RARG: variants seen among roughly 807,000 people sequenced by gnomAD.
RARG encodes the protein retinoic acid receptor gamma.
RARG carries 17 observed loss-of-function variants against 43.7 expected under a neutral mutation model. That is an observed-to-expected ratio of 0.39 (90% CI 0.27 to 0.58). The LOEUF (loss-of-function observed/expected upper bound fraction) is 0.58, where lower values mean the gene tolerates loss of function less well. RARG is among the 20% of genes least tolerant of loss of function. RARG has a pLI of 0.57. For missense variants in RARG, 346 were observed against 598.7 expected (o/e 0.58, Z 4.40); for synonymous variants, 238 against 236.4 (o/e 1.01, Z -0.06).
chr12:53,215,902 A>T lies in RARG; in HGVS notation c.185-108T>A. The T allele has an allele frequency of 8.2e-7, 1 of 1,213,932 alleles. No individual in the cohort carries two copies. The highest frequency in any genetic ancestry group is 2.8e-4 in the Middle Eastern group (1 of 3,532). The allele number at this position is 1,213,932 out of a possible 1,614,324, so 75.2% of individuals were successfully genotyped here. A position where few individuals can be genotyped will look rare whatever the true frequency, so the allele number is the denominator to read the frequency against. Reference sequence around the variant, plus strand: ...GCATTTGTTCCTTGGCCCACTGGTGACAGCCATCACTACCACAGTGCACTA... The same window carrying T: ...GCATTTGTTCCTTGGCCCACTGGTGTCAGCCATCACTACCACAGTGCACTA... On this transcript the variant is annotated intron_variant, in intron 3 of 9. Transcript: ENST00000425354. The surrounding 1 kb of genome is among the most constrained non-coding windows in gnomAD (Gnocchi z 6.4).
In RARG at chr12:53,214,558, C is replaced by T. The variant is rs755157558; in HGVS notation, c.524G>A (p.Gly175Glu). ...NKKKKEVKEE[G>E]SPDSYELSPQ... ...GCTCAGCTCATAGCTGTCAGGTGAC[C>T]CTTCTTCCTTCACCTCTTTCTTCTT... Residue 175 changes from glycine (G) to glutamate (E), a missense_variant, in exon 6 of 10, where the codon GGG (glycine) becomes GAG (glutamate). Physicochemically the swap from Gly to Glu is moderately conservative, Grantham distance 98. Transcript: ENST00000425354. 1 of 1,611,474 alleles carries T rather than the reference C, an allele frequency of 6.2e-7. No homozygotes were observed. The highest frequency in any genetic ancestry group is 2.2e-5 in the East Asian group (1 of 44,766).
Position 53,213,072 on chromosome 12 carries a change from A to G in RARG, c.1177+13T>C, listed in dbSNP as rs1182257128. 5 of 1,605,406 alleles carry G rather than the reference A, an allele frequency of 3.1e-6. No homozygotes were observed. The South Asian group carries it at 5.6e-5, about 18-fold the overall frequency. On this transcript the variant is annotated intron_variant, in intron 9 of 9. Coordinates refer to ENST00000425354, the MANE Select transcript of RARG (RefSeq NM_000966.6). The surrounding 1 kb of genome is among the most constrained non-coding windows in gnomAD (Gnocchi z 4.7). ...CTGGGAAGACAGAGAGGGGACACCCACTCATGACTCACCCTTAGTGCTGAT... is the reference window on the plus strand; with the variant it reads ...CTGGGAAGACAGAGAGGGGACACCCGCTCATGACTCACCCTTAGTGCTGAT...
chr12:53,220,502 C>T (rs1942927093), intron 3 of RARG: 5 of 442,832 alleles, frequency 1.1e-5, no homozygotes, highest in Non-Finnish European at 1.9e-5. Flanking sequence ...GCGGCGCGCG[C>T]GCTTGCTTAG....
At chr12:53,220,617 C>G (rs1942930686) in intron 3 of RARG, among the ~76,000 whole-genome samples, 1 of 152,212 alleles carries the variant, frequency 6.6e-6, no homozygotes, top group African/African-American at 2.4e-5. Context: ...GGTGCACACA[C>G]GTTTGTGCAA....
intron 3 of RARG, among the ~76,000 whole-genome samples, chr12:53,222,248 GAGAA>G (rs1433943544): frequency 1.1e-4 from 11 of 98,584 alleles, no homozygotes; most frequent in Admixed American, 3.0e-4. Context: ...AGAAAAGAAA[GAGAA>G]AGAAAGAAGA....
rs759050152 is a variant in RARG, at chr12:53,214,243, G to A, written c.637-8C>T. On this transcript the variant is annotated splice_polypyrimidine_tract_variant and splice_region_variant and intron_variant, in intron 6 of 9. Transcript: ENST00000425354. ...GTGGTCTGCACTGGAGTTCTGCAGA[G>A]GGGAGGGGTAGAAGGTTGGAAGGCA... is the stretch of plus-strand genomic sequence containing the variant. 1.2e-6 allele frequency: 2 copies of A among 1,610,966 alleles called. No homozygotes were observed. Among genetic ancestry groups the A allele is most frequent in the East Asian group, 4.5e-5 (2 of 44,862 alleles).
At chr12:53,229,925 G>A (rs1943191356) in intron 2 of RARG, 2 of 964,418 alleles carry the variant, frequency 2.1e-6, no homozygotes, top group Non-Finnish European at 2.5e-6. Flanking sequence ...GAATGATGCT[G>A]CATGTGAGCC....
intron 3 of RARG, among the ~76,000 whole-genome samples, chr12:53,217,736 C>T (rs1227602654): frequency 6.6e-6 from 1 of 152,194 alleles, no homozygotes; most frequent in Non-Finnish European, 1.5e-5. Flanking sequence ...TAGGCAGGGG[C>T]CCCTGCTGGG....
Position 53,210,917 on chromosome 12 carries a change from G to C in RARG, c.*759C>G, listed in dbSNP as rs1046883784. The C allele has an allele frequency of 6.6e-6, 1 of 151,838 alleles. No homozygotes were observed. Among genetic ancestry groups the C allele is most frequent in the Non-Finnish European group, 1.5e-5 (1 of 67,476 alleles). 9.4% of individuals were successfully genotyped at this position (151,838 alleles called of 1,614,324 possible). On this transcript the variant is annotated 3_prime_UTR_variant, in exon 10 of 10. Coordinates refer to ENST00000425354, the MANE Select transcript of RARG (RefSeq NM_000966.6). ...GGGCCAAGCTGCTCTGGGGAGTAAAGGGTGGAAGGCACTAGGGAGAGAGGG... is the reference window on the plus strand; with the variant it reads ...GGGCCAAGCTGCTCTGGGGAGTAAACGGTGGAAGGCACTAGGGAGAGAGGG...
rs1942585027 is a variant in RARG, at chr12:53,211,469, GC to G, written c.*206del. On this transcript the variant is annotated 3_prime_UTR_variant, in exon 10 of 10. Transcript: ENST00000425354. This position sits in a 1 kb window ranked among gnomAD's most constrained non-coding sequence, Gnocchi z 4.6. ...CTCTCTCCTGGTGGGAGCAGGGCAG[GC>G]CCCCGGGACTGGCGAGGGAGCCGGT... is the stretch of plus-strand genomic sequence containing the variant. 4.4e-6 allele frequency: 2 copies of G among 452,020 alleles called. No individual in the cohort carries two copies. The highest frequency in any genetic ancestry group is 9.7e-5 in the South Asian group (2 of 20,552). The allele number at this position is 452,020 out of a possible 1,614,324, so 28.0% of individuals were successfully genotyped here.
At chr12:53,216,427 TG>T (rs1942762664) in intron 3 of RARG, among the ~76,000 whole-genome samples, 1 of 152,200 alleles carries the variant, frequency 6.6e-6, no homozygotes, top group East Asian at 1.9e-4. Flanking sequence ...TCAGAGACAG[TG>T]GAGCAAATGG....
chr12:53,229,231 G>C (rs894995867), intron 2 of RARG, among the ~76,000 whole-genome samples: 7 of 152,220 alleles, frequency 4.6e-5, no homozygotes, highest in African/African-American at 1.7e-4. Flanking sequence ...AAAATGCAGA[G>C]AGACCATGGG....
At chr12:53,223,604 A>C (rs539431317) in intron 3 of RARG, among the ~76,000 whole-genome samples, 1 of 134,484 alleles carries the variant, frequency 7.4e-6, no homozygotes, top group South Asian at 2.4e-4. Context: ...GTGCCGGAGG[A>C]GGAGAGACCG....
At position 53,227,522 on chromosome 12, in the gene RARG, G is replaced by C. The variant is rs1298834560; in HGVS notation, c.24C>G (p.Leu8=). 1 of 1,595,470 alleles carries C rather than the reference G, an allele frequency of 6.3e-7. No individual in the cohort carries two copies. The highest frequency in any genetic ancestry group is 2.3e-5 in the East Asian group (1 of 43,956). The part of the protein sequence containing the change: MATNKER[L]FAAGALGPGS... ...CAGGCCCCAGGGCACCAGCCGCAAAGAGTCGCTCCTTATTGGTGGCCATGG... is the reference window on the plus strand; with the variant it reads ...CAGGCCCCAGGGCACCAGCCGCAAACAGTCGCTCCTTATTGGTGGCCATGG... Residue 8 remains leucine, a synonymous_variant, in exon 3 of 10, where the codon CTC becomes CTG. Transcript: ENST00000425354. This position sits in a 1 kb window ranked among gnomAD's most constrained non-coding sequence, Gnocchi z 4.3.
intron 3 of RARG, chr12:53,220,109 G>A: frequency 1.3e-6 from 2 of 1,550,204 alleles, no homozygotes; most frequent in South Asian, 1.2e-5. Context: ...ATCGCGACCC[G>A]GCTTGAAGGG....
intron 3 of RARG, among the ~76,000 whole-genome samples, chr12:53,222,195 C>T (rs1274976060): frequency 6.7e-6 from 1 of 149,722 alleles, no homozygotes; most frequent in Non-Finnish European, 1.5e-5. Context: ...TTTCTGAATC[C>T]AGTCACCCGA....
chr12:53,218,060 C>G (rs1238177314), intron 3 of RARG, among the ~76,000 whole-genome samples: 1 of 152,164 alleles, frequency 6.6e-6, no homozygotes, highest in African/African-American at 2.4e-5. Flanking sequence ...TCCAGCTACA[C>G]CGTGGAGGTA....
At chr12:53,230,076 T>C in intron 2 of RARG, 1 of 747,022 alleles carries the variant, frequency 1.3e-6, no homozygotes, top group Non-Finnish European at 1.6e-6. Flanking sequence ...GGGGAGGGTC[T>C]TAAACCCAGG....
rs1942689359 is a variant in RARG, at chr12:53,214,117, G to A, written c.755C>T (p.Thr252Ile). 6 of 1,614,008 alleles carry A rather than the reference G, an allele frequency of 3.7e-6. No homozygotes were observed. Among genetic ancestry groups the A allele is most frequent in the African/African-American group, 1.3e-5 (1 of 74,902 alleles). ...GATCTGGTCAGCAATGCTGAGCCCT[G>A]TAAAGCCAGGCAACCGCTTGGCAAA... is the stretch of plus-strand genomic sequence containing the variant. ...VEFAKRLPGF[T>I]GLSIADQITL... is the part of the protein sequence containing the mutation. The change falls in exon 7 of 10, where the codon ACA becomes ATA. Residue 252 changes from threonine to isoleucine, a missense_variant. By Grantham distance (89) the Thr-to-Ile change is moderately conservative (BLOSUM62 -1). Around this residue, in one of 8 missense-constraint regions of RARG, gnomAD observed 37 missense variants for 146.3 expected, o/e 0.25. Transcript: ENST00000425354.
Sources: gnomAD v4.1 joint callset for allele counts (sites outside exome capture counted in the v4.1 genomes callset) on GRCh38, gnomAD v4.1.1 for gene constraint, gnomAD v4.1.1 regional missense constraint, Gnocchi (gnomAD v3.1) non-coding constraint, MANE v1.5 for transcripts, NCBI Gene and HGNC (gene_info 2026-07-23, HGNC 2026-07-21) for gene names.